NR4A3: variants seen among roughly 807,000 people sequenced by gnomAD.
NR4A3 encodes nuclear receptor subfamily 4 group A member 3, also known as chondrosarcoma, extraskeletal myxoid, fused to EWS.
A neutral mutation model predicts 55.6 loss-of-function variants in NR4A3; 13 were observed. That is an observed-to-expected ratio of 0.23 (90% CI 0.15 to 0.37). NR4A3 has a LOEUF of 0.37. NR4A3 is among the 10% of genes least tolerant of loss of function. The probability of loss-of-function intolerance (pLI) is 1.00; values close to 1 mark genes in which losing one functional copy is unlikely to be tolerated. For synonymous variants in NR4A3, 342 were observed against 357.9 expected, an observed-to-expected ratio of 0.96 and a Z score of 0.50; for missense variants, 646 against 822.8, an observed-to-expected ratio of 0.79 and a Z score of 2.63.
rs796261816 is a variant in NR4A3, at chr9:99,856,254, T to G, written c.1634-7366T>G. Among the ~76,000 whole-genome samples the G allele has an allele frequency of 6.6e-5, 10 of 151,516 alleles. No individual in the cohort carries two copies. In the East Asian group the frequency reaches 1.7e-3, roughly 26 times the overall value. ...TTTCCTGCAACTAGATAGTCCCATC[T>G]GGGGGTGATGGGAGACAGTGACAGA... On this transcript the variant is annotated intron_variant, in intron 7 of 7. Transcript: ENST00000395097.
chr9:99,847,868 T>A (rs761895576), intron 7 of NR4A3, among the ~76,000 whole-genome samples: 12 of 152,314 alleles, frequency 7.9e-5, no homozygotes, highest in South Asian at 6.2e-4. Context: ...AAATCTAACT[T>A]CCTACTAGAG....
At position 99,822,134 on chromosome 9, in the gene NR4A3, T is replaced by C. The variant is rs1827190884; in HGVS notation, c.-450T>C. 1 of 152,752 alleles carries C rather than the reference T, an allele frequency of 6.5e-6. No homozygotes were observed. Among genetic ancestry groups the C allele is most frequent in the African/African-American group, 2.4e-5 (1 of 41,456 alleles). The allele number at this position is 152,752 out of a possible 1,614,324, so 9.5% of individuals were successfully genotyped here. On this transcript the variant is annotated 5_prime_UTR_variant, in exon 1 of 8. Transcript: ENST00000395097. This position sits in a 1 kb window ranked among gnomAD's most constrained non-coding sequence, Gnocchi z 4.9. The stretch of plus-strand genomic sequence containing the variant: ...CCCTCCCGGGCTCACTTTGCAACGC[T>C]GACGGTGCCGGCAGTGGCCGTGGAG...
At chr9:99,824,127 T>G (rs942295731) in intron 1 of NR4A3, among the ~76,000 whole-genome samples, 4 of 152,164 alleles carry the variant, frequency 2.6e-5, no homozygotes, top group Non-Finnish European at 5.9e-5. Flanking sequence ...CGGAACGTGT[T>G]TCCAGGCACT....
At chr9:99,856,490 C>T (rs765631408) in intron 7 of NR4A3, among the ~76,000 whole-genome samples, 18 of 152,016 alleles carry the variant, frequency 1.2e-4, no homozygotes, top group Admixed American at 9.2e-4. Context: ...GTTGTGTGGC[C>T]CAGTTCCTAA....
In NR4A3 at chr9:99,838,041, A is replaced by G. The variant is rs185791055; in HGVS notation, c.1254+4587A>G. Among the ~76,000 whole-genome samples the G allele has an allele frequency of 9.8e-4, 150 of 152,300 alleles. 2 individuals are homozygous for G. The highest frequency in any genetic ancestry group is 3.5e-3 in the African/African-American group (145 of 41,572). On this transcript the variant is annotated intron_variant, in intron 5 of 7. Coordinates refer to ENST00000395097, the MANE Select transcript of NR4A3 (RefSeq NM_006981.4). ...TTTGGGCCAAACTTCTCTCCCTCAA[A>G]AGTGAGCTCAGATCATTGTACATCA...
At position 99,833,166 on chromosome 9, in the gene NR4A3, T is replaced by C. The variant is rs1381469065; in HGVS notation, c.1082-116T>C. 39 of 1,298,488 alleles carry C rather than the reference T, an allele frequency of 3.0e-5. 1 individual carries two copies. Among genetic ancestry groups the C allele is most frequent in the Non-Finnish European group, 4.1e-5 (39 of 954,248 alleles). 80.4% of individuals were successfully genotyped at this position (1,298,488 alleles called of 1,614,324 possible). A position where few individuals can be genotyped will look rare whatever the true frequency, so the allele number is the denominator to read the frequency against. On this transcript the variant is annotated intron_variant, in intron 4 of 7. Transcript: ENST00000395097. ...TTCCAAACTTATTACCACTTTTAAATGGTTGGTCTCATTAATGATTGCTCA... is the reference window on the plus strand; with the variant it reads ...TTCCAAACTTATTACCACTTTTAAACGGTTGGTCTCATTAATGATTGCTCA...
At position 99,828,124 on chromosome 9, in the gene NR4A3, A is replaced by ATGAACCCCCAGT; in HGVS notation, c.82_83insTGAACCCCCAGT (p.Thr28delinsMetAsnProGlnSer). ...GCAGACATACAGCTCGGAATACACC[A>ATGAACCCCCAGT]CGGAGATCATGAACCCCGACTACAC... is the stretch of plus-strand genomic sequence containing the variant. On this transcript the variant is annotated protein_altering_variant, in exon 3 of 8. Coordinates refer to ENST00000395097, the MANE Select transcript of NR4A3 (RefSeq NM_006981.4). This position sits in a 1 kb window ranked among gnomAD's most constrained non-coding sequence, Gnocchi z 7.7. 1 of 1,613,896 alleles carries ATGAACCCCCAGT rather than the reference A, an allele frequency of 6.2e-7. No homozygotes were observed. Among genetic ancestry groups the ATGAACCCCCAGT allele is most frequent in the Non-Finnish European group, 8.5e-7 (1 of 1,179,956 alleles).
chr9:99,837,674 G>A (rs1031640615), intron 5 of NR4A3, among the ~76,000 whole-genome samples: 2 of 152,024 alleles, frequency 1.3e-5, no homozygotes, highest in Non-Finnish European at 2.9e-5. Flanking sequence ...CTCCTTAGCC[G>A]TGTTTTAGTG....
intron 5 of NR4A3, among the ~76,000 whole-genome samples, chr9:99,839,102 A>C (rs183340693): frequency 2.0e-5 from 3 of 152,352 alleles, no homozygotes; most frequent in Admixed American, 6.5e-5. Flanking sequence ...GAGTAAACAA[A>C]TATACAATTG....
intron 2 of NR4A3, among the ~76,000 whole-genome samples, chr9:99,826,506 A>C (rs896677236): frequency 6.6e-6 from 1 of 152,260 alleles, no homozygotes. Flanking sequence ...AAAGAATGAC[A>C]GAAAAGAGTA....
chr9:99,844,702 A>G lies in NR4A3; in HGVS notation c.1308A>G (p.Gln436=). ...GCACAGATGCTGAGCATGTGCAACA[A>G]TTCTACAACCTCCTGACAGCCTCCA... is the stretch of plus-strand genomic sequence containing the variant. ...AAGTDAEHVQ[Q]FYNLLTASID... Residue 436 remains glutamine, a synonymous_variant, in exon 6 of 8, where the codon CAA becomes CAG. Transcript: ENST00000395097. 6.2e-7 allele frequency: 1 copy of G among 1,614,208 alleles called. No individual in the cohort carries two copies. The highest frequency in any genetic ancestry group is 2.2e-5 in the East Asian group (1 of 44,880).
rs1828104758 is a variant in NR4A3 at position 99,866,694 on chromosome 9, C to G, written c.*2827C>G. On this transcript the variant is annotated 3_prime_UTR_variant, in exon 8 of 8. Transcript: ENST00000395097. ...AGCTCTCTCAGTGTGAACATGCCTT[C>G]TGTGGGCGGAAATCAGGAAGCCACC... 4.5e-6 allele frequency: 1 copy of G among 224,064 alleles called. No homozygotes were observed. The highest frequency in any genetic ancestry group is 8.9e-6 in the Non-Finnish European group (1 of 111,970). 13.9% of individuals were successfully genotyped at this position (224,064 alleles called of 1,614,324 possible).
At chr9:99,835,577 C>G (rs1827544923) in intron 5 of NR4A3, among the ~76,000 whole-genome samples, 1 of 152,238 alleles carries the variant, frequency 6.6e-6, no homozygotes, top group Admixed American at 6.5e-5. Flanking sequence ...AGCACACAAT[C>G]TGACATTGCT....
chr9:99,833,622 CA>C, intron 5 of NR4A3, 168 bp downstream of exon 5: 2 of 1,597,644 alleles, frequency 1.3e-6, no homozygotes, highest in Non-Finnish European at 1.7e-6. Context: ...TCCATTGCAG[CA>C]AATAATTTTT....
Position 99,825,826 on chromosome 9 carries a change from C to A in NR4A3, c.-9C>A, listed in dbSNP as rs1327022232. On this transcript the variant is annotated 5_prime_UTR_variant, in exon 2 of 8. Transcript: ENST00000395097. This position sits in a 1 kb window ranked among gnomAD's most constrained non-coding sequence, Gnocchi z 5.0. The stretch of plus-strand genomic sequence containing the variant: ...CCCCACCATTCAGCGCGCAAGATAC[C>A]CTCCAGGTAGGTCCGAAGGCAAGAC... 2 of 173,768 alleles carry A rather than the reference C, an allele frequency of 1.2e-5. No homozygotes were observed. Among genetic ancestry groups the A allele is most frequent in the East Asian group, 2.1e-4 (2 of 9,612 alleles). 10.8% of individuals were successfully genotyped at this position (173,768 alleles called of 1,614,324 possible). A position where few individuals can be genotyped will look rare whatever the true frequency, so the allele number is the denominator to read the frequency against.
Position 99,847,443 on chromosome 9 carries a change from C to T in NR4A3, c.1461C>T (p.Asn487=), listed in dbSNP as rs561230574. 18 of 1,614,078 alleles carry T rather than the reference C, an allele frequency of 1.1e-5. No homozygotes were observed. The highest frequency in any genetic ancestry group is 8.3e-5 in the Admixed American group (5 of 60,020). Residue 487 remains asparagine, a synonymous_variant, in exon 7 of 8, where the codon AAC becomes AAT. Transcript: ENST00000395097. ...TCTTCCTCTCACCTCCCAGGTCAAACACTGCTGAAGATAAGTTTGTGTTCT... is the reference window on the plus strand; with the variant it reads ...TCTTCCTCTCACCTCCCAGGTCAAATACTGCTGAAGATAAGTTTGTGTTCT... ...LFVLRLSIRS[N]TAEDKFVFCN...
In NR4A3 at chr9:99,863,651, C is replaced by G; in HGVS notation, c.1665C>G (p.Val555=). ...ERHGLKEPKR[V]EELCNKITSS... ...ATGGGTTAAAAGAACCAAAGAGAGTCGAAGAGCTATGCAACAAGATCACAA... is the reference window on the plus strand; with the variant it reads ...ATGGGTTAAAAGAACCAAAGAGAGTGGAAGAGCTATGCAACAAGATCACAA... The change falls in exon 8 of 8, where the codon GTC becomes GTG. Residue 555 remains valine (V), a synonymous_variant. Coordinates refer to ENST00000395097, the MANE Select transcript of NR4A3 (RefSeq NM_006981.4). The G allele has an allele frequency of 6.2e-7, 1 of 1,613,868 alleles. No individual in the cohort carries two copies. The highest frequency in any genetic ancestry group is 8.5e-7 in the Non-Finnish European group (1 of 1,179,924).
At chr9:99,834,670 T>A in intron 5 of NR4A3, 1 of 375,202 alleles carries the variant, frequency 2.7e-6, no homozygotes, top group Non-Finnish European at 3.7e-6. Context: ...TGTGAGTGTG[T>A]CCCTGCTATG....
intron 1 of NR4A3, among the ~76,000 whole-genome samples, chr9:99,824,973 C>G (rs1004642899): frequency 1.3e-5 from 2 of 152,198 alleles, no homozygotes; most frequent in African/African-American, 4.8e-5. Flanking sequence ...GTCCCATCAG[C>G]CGCTAACGCC....
Sources: gnomAD v4.1 joint callset for allele counts (sites outside exome capture counted in the v4.1 genomes callset) on GRCh38, gnomAD v4.1.1 for gene constraint, Gnocchi (gnomAD v3.1) non-coding constraint, MANE v1.5 for transcripts, NCBI Gene and HGNC (gene_info 2026-07-23, HGNC 2026-07-21) for gene names.